PIP4K2A: variants seen among roughly 807,000 people sequenced by gnomAD.
PIP4K2A encodes the protein phosphatidylinositol-5-phosphate 4-kinase type 2 alpha, also known as phosphatidylinositol 5-phosphate 4-kinase type-2 alpha.
In PIP4K2A, 14 loss-of-function variants were observed where a neutral mutation model predicts 42.9. That is an observed-to-expected ratio of 0.33 (90% CI 0.22 to 0.51). The LOEUF (loss-of-function observed/expected upper bound fraction) is 0.51. Ranked by LOEUF, PIP4K2A falls within the 20% of genes least tolerant of loss-of-function variation. The pLI, the probability that PIP4K2A is intolerant of heterozygous loss-of-function variation, is 0.97. For missense variants in PIP4K2A, 434 were observed against 519.8 expected (o/e 0.83, Z 1.61); for synonymous variants, 192 against 192.2 (o/e 1.00, Z 0.01).
chr10:22,635,282 G>A (rs1458477355), intron 1 of PIP4K2A, among the ~76,000 whole-genome samples: 3 of 152,106 alleles, frequency 2.0e-5, no homozygotes, highest in Non-Finnish European at 4.4e-5. Context: ...TTCATCGAAT[G>A]TAACAACCGT....
At chr10:22,673,382 A>G (rs1364109230) in intron 1 of PIP4K2A, among the ~76,000 whole-genome samples, 2 of 152,228 alleles carry the variant, frequency 1.3e-5, no homozygotes, top group East Asian at 3.8e-4. Context: ...ATATGTATGC[A>G]TGAATTAATT....
At chr10:22,658,124 A>G (rs1839137880) in intron 1 of PIP4K2A, among the ~76,000 whole-genome samples, 1 of 152,198 alleles carries the variant, frequency 6.6e-6, no homozygotes, top group East Asian at 1.9e-4. Flanking sequence ...TTTCTTAAAA[A>G]CTTCCTTTGT....
chr10:22,618,424 G>A, intron 1 of PIP4K2A, among the ~76,000 whole-genome samples: 1 of 152,194 alleles, frequency 6.6e-6, no homozygotes, highest in Non-Finnish European at 1.5e-5. Flanking sequence ...TAAGAGTTGA[G>A]GGTATCCAGA....
chr10:22,536,987 T>C lies in PIP4K2A; in HGVS notation c.*214A>G, dbSNP rs1367407526. The C allele has an allele frequency of 9.3e-6, 4 of 431,946 alleles. No homozygotes were observed. The highest frequency in any genetic ancestry group is 4.4e-5 in the African/African-American group (2 of 45,154). 26.8% of individuals were successfully genotyped at this position (431,946 alleles called of 1,614,324 possible). On this transcript the variant is annotated 3_prime_UTR_variant, in exon 10 of 10. Coordinates refer to ENST00000376573, the MANE Select transcript of PIP4K2A (RefSeq NM_005028.5). Reference sequence around the variant, plus strand: ...CCCCCAACACACACACACACACATATACACAAAGTCAGAAATAGCTAGAAC... The same window carrying C: ...CCCCCAACACACACACACACACATACACACAAAGTCAGAAATAGCTAGAAC...
intron 1 of PIP4K2A, among the ~76,000 whole-genome samples, chr10:22,634,909 A>G (rs1838629355): frequency 6.6e-6 from 1 of 152,136 alleles, no homozygotes; most frequent in Admixed American, 6.6e-5. Context: ...AAAATTTCCA[A>G]TTTCTATAAA....
chr10:22,537,791 GC>G (rs1378977074), intron 9 of PIP4K2A, among the ~76,000 whole-genome samples: 1 of 152,158 alleles, frequency 6.6e-6, no homozygotes, highest in Non-Finnish European at 1.5e-5. Flanking sequence ...AACATGAGGG[GC>G]AACAGCAGCA....
intron 1 of PIP4K2A, among the ~76,000 whole-genome samples, chr10:22,625,069 A>G (rs1342597518): frequency 6.6e-6 from 1 of 152,230 alleles, no homozygotes; most frequent in Non-Finnish European, 1.5e-5. Flanking sequence ...CCTTTGTATA[A>G]CTGGCGAGAT....
chr10:22,570,133 C>T (rs1836950437), intron 5 of PIP4K2A, among the ~76,000 whole-genome samples: 1 of 152,018 alleles, frequency 6.6e-6, no homozygotes, highest in Non-Finnish European at 1.5e-5. Flanking sequence ...GAGGCACTTA[C>T]ACATCAGGAG....
chr10:22,567,444 G>T (rs949029797), intron 6 of PIP4K2A: 1 of 381,922 alleles, frequency 2.6e-6, no homozygotes. Flanking sequence ...AGCAGACTCA[G>T]CGATGCAAAG....
At chr10:22,569,029 G>A in intron 5 of PIP4K2A, 2 of 1,535,304 alleles carry the variant, frequency 1.3e-6, no homozygotes, top group African/African-American at 1.4e-5. Flanking sequence ...CTTGGGAAAA[G>A]TGAAAGTGGC....
At chr10:22,542,714 T>G (rs1161813188) in intron 7 of PIP4K2A, among the ~76,000 whole-genome samples, 1 of 152,236 alleles carries the variant, frequency 6.6e-6, no homozygotes, top group African/African-American at 2.4e-5. Flanking sequence ...GTTTGGCTAC[T>G]CCTGTCTGCC....
At chr10:22,568,585 T>C (rs1341218154) in intron 5 of PIP4K2A, among the ~76,000 whole-genome samples, 5 of 152,158 alleles carry the variant, frequency 3.3e-5, no homozygotes, top group African/African-American at 1.2e-4. Context: ...TGGCCCTTGA[T>C]CTCAGCAGTT....
At chr10:22,621,012 AC>A (rs1388286710) in intron 1 of PIP4K2A, among the ~76,000 whole-genome samples, 1 of 152,228 alleles carries the variant, frequency 6.6e-6, no homozygotes, top group Non-Finnish European at 1.5e-5. Flanking sequence ...TTTGAAACTG[AC>A]ACAGGGGACA....
intron 5 of PIP4K2A, among the ~76,000 whole-genome samples, chr10:22,572,860 G>T (rs1204509431): frequency 6.6e-6 from 1 of 152,116 alleles, no homozygotes; most frequent in African/African-American, 2.4e-5. Flanking sequence ...CTTCAAGTCT[G>T]CTCCAATGTC....
intron 4 of PIP4K2A, among the ~76,000 whole-genome samples, chr10:22,586,313 GC>G (rs1300304778): frequency 2.0e-5 from 3 of 152,138 alleles, no homozygotes; most frequent in African/African-American, 4.8e-5. Context: ...AAAGAATAGA[GC>G]AAGATACTGG....
intron 1 of PIP4K2A, among the ~76,000 whole-genome samples, chr10:22,634,541 A>G (rs764253566): frequency 6.6e-6 from 1 of 152,180 alleles, no homozygotes; most frequent in Non-Finnish European, 1.5e-5. Context: ...CTTGTTTCTT[A>G]TAATAGGATC....
chr10:22,618,218 A>G (rs1461986104), intron 1 of PIP4K2A, among the ~76,000 whole-genome samples: 1 of 152,194 alleles, frequency 6.6e-6, no homozygotes, highest in Non-Finnish European at 1.5e-5. Context: ...ATCCCTTCCT[A>G]TCAGTATCTT....
At chr10:22,713,264 C>T (rs1045200781) in intron 1 of PIP4K2A, among the ~76,000 whole-genome samples, 12 of 152,216 alleles carry the variant, frequency 7.9e-5, no homozygotes, top group East Asian at 1.9e-4. Context: ...GGCGCATCCT[C>T]CAATCCCCGA....
At chr10:22,669,414 T>G (rs1323828265) in intron 1 of PIP4K2A, among the ~76,000 whole-genome samples, 4 of 151,794 alleles carry the variant, frequency 2.6e-5, no homozygotes, top group Non-Finnish European at 5.9e-5. Context: ...AACACATTTC[T>G]CAGAACATAT....
Sources: allele counts gnomAD v4.1 joint callset (sites outside exome capture counted in the v4.1 genomes callset), GRCh38; gene constraint gnomAD v4.1.1; transcripts MANE v1.5; gene names NCBI Gene and HGNC (gene_info 2026-07-23, HGNC 2026-07-21).